Variants in CMKLR1 observed in about 807,000 individuals in gnomAD.
The protein encoded by CMKLR1 is chemerin chemokine-like receptor 1.
A neutral mutation model predicts 8.2 loss-of-function variants in CMKLR1; 6 were observed. The observed-to-expected ratio is 0.73, with a 90% CI of 0.40 to 1.44. CMKLR1 has a LOEUF of 1.44. Among genes scored for constraint, CMKLR1 ranks in the 40% most tolerant of loss-of-function variants. The pLI is 0.02. For synonymous variants in CMKLR1, 178 were observed against 181.2 expected (o/e 0.98, Z 0.14); for missense variants, 429 against 478.0 (o/e 0.90, Z 0.96).
Position 108,293,671 on chromosome 12 carries a change from GGA to G in CMKLR1, c.-73-9_-73-8del. On this transcript the variant is annotated splice_region_variant and splice_polypyrimidine_tract_variant and intron_variant, in intron 2 of 3. Coordinates refer to ENST00000550402, the MANE Select transcript of CMKLR1 (RefSeq NM_001142343.2). Reference sequence around the variant, plus strand: ...TGTACACAGCTAGAAACACCTGTAGGGAAAAAAAAAAAAAAAAAAGCAGCAAT... The same window carrying G: ...TGTACACAGCTAGAAACACCTGTAGGAAAAAAAAAAAAAAAAAGCAGCAAT... 16 of 1,190,814 alleles carry G rather than the reference GGA, an allele frequency of 1.3e-5. No homozygotes were observed. The highest frequency in any genetic ancestry group is 3.1e-5 in the Admixed American group (1 of 32,222). 73.8% of individuals were successfully genotyped at this position (1,190,814 alleles called of 1,614,324 possible). A position where few individuals can be genotyped will look rare whatever the true frequency, so the allele number is the denominator to read the frequency against.
intron 2 of CMKLR1, chr12:108,320,606 C>G (rs1385015749): frequency 6.5e-6 from 1 of 153,016 alleles, no homozygotes; most frequent in Non-Finnish European, 1.5e-5. Context: ...TCCCCTCAGC[C>G]TCTTCCTCCT....
chr12:108,306,975 C>A (rs1044391484), intron 2 of CMKLR1, among the ~76,000 whole-genome samples: 1 of 152,186 alleles, frequency 6.6e-6, no homozygotes, highest in East Asian at 1.9e-4. Context: ...GTCCCGTACA[C>A]AAGCCCTAAG....
intron 2 of CMKLR1, among the ~76,000 whole-genome samples, chr12:108,301,096 A>C (rs1462463438): frequency 1.5e-5 from 1 of 68,434 alleles, no homozygotes; most frequent in African/African-American, 6.1e-5. Context: ...TTTTTTTTTG[A>C]GACGAAGTCT....
rs201652470 is a variant in CMKLR1, at chr12:108,292,553, C to T, written c.410G>A (p.Arg137His). The T allele has an allele frequency of 8.7e-6, 14 of 1,613,986 alleles. No homozygotes were observed. The highest frequency in any genetic ancestry group is 3.3e-5 in the Admixed American group (2 of 59,998). Reference protein sequence around the residue: ...VFLLTIISSDRCISVLLPVWS... With the variant: ...VFLLTIISSDHCISVLLPVWS... ...GACAGGGAGGAGCACAGAGATGCAGCGGTCAGAGCTGATGATGGTCAGCAG... is the reference window on the plus strand; with the variant it reads ...GACAGGGAGGAGCACAGAGATGCAGTGGTCAGAGCTGATGATGGTCAGCAG... The change falls in exon 4 of 4, where the codon CGC (arginine) becomes CAC (histidine). Residue 137 changes from arginine to histidine, a missense_variant. Coordinates refer to ENST00000550402, the MANE Select transcript of CMKLR1 (RefSeq NM_001142343.2).
In CMKLR1 at chr12:108,320,230, G is replaced by A. The variant is rs1891827413; in HGVS notation, c.-74+9765C>T. Among the ~76,000 whole-genome samples, 5 of 152,164 alleles carry A rather than the reference G, an allele frequency of 3.3e-5. No homozygotes were observed. The South Asian group carries it at 1.0e-3, about 31-fold the overall frequency. ...GAACTGAGTTGGGATTTAAAGCTGTGATGGTGGAAACTCAGGCACTGTGTG... is the reference window on the plus strand; with the variant it reads ...GAACTGAGTTGGGATTTAAAGCTGTAATGGTGGAAACTCAGGCACTGTGTG... On this transcript the variant is annotated intron_variant, in intron 2 of 3. Coordinates refer to ENST00000550402, the MANE Select transcript of CMKLR1 (RefSeq NM_001142343.2).
chr12:108,308,663 C>T (rs1422389229), intron 2 of CMKLR1, among the ~76,000 whole-genome samples: 2 of 152,138 alleles, frequency 1.3e-5, no homozygotes, highest in Admixed American at 6.5e-5. Context: ...AGGGTGAGGA[C>T]GGGCAAGGCA....
Position 108,290,894 on chromosome 12 carries a change from C to A in CMKLR1, c.*947G>T, listed in dbSNP as rs1167956203. On this transcript the variant is annotated 3_prime_UTR_variant, in exon 4 of 4. Transcript: ENST00000550402. ...GAGGAAATTAACCAGAATGAGAAGC[C>A]CCACCACCAGTGTTTTATTCTAAGC... 6.6e-6 allele frequency: 1 copy of A among 152,232 alleles called. No individual in the cohort carries two copies. The highest frequency in any genetic ancestry group is 2.4e-5 in the African/African-American group (1 of 41,444). The allele number at this position is 152,232 out of a possible 1,614,324, so 9.4% of individuals were successfully genotyped here. A position where few individuals can be genotyped will look rare whatever the true frequency, so the allele number is the denominator to read the frequency against.
At chr12:108,326,836 T>G (rs1164230832) in intron 2 of CMKLR1, among the ~76,000 whole-genome samples, 1 of 152,198 alleles carries the variant, frequency 6.6e-6, no homozygotes, top group African/African-American at 2.4e-5. Flanking sequence ...TGCCTTATTT[T>G]AAGTGCAAGG....
intron 2 of CMKLR1, among the ~76,000 whole-genome samples, chr12:108,295,174 T>C (rs1891099923): frequency 1.3e-5 from 2 of 152,236 alleles, no homozygotes; most frequent in Non-Finnish European, 2.9e-5. Context: ...CATTGAGCTC[T>C]TGTGTATGCC....
chr12:108,320,349 C>T (rs1891831874), intron 2 of CMKLR1, among the ~76,000 whole-genome samples: 1 of 152,098 alleles, frequency 6.6e-6, no homozygotes, highest in Admixed American at 6.5e-5. Flanking sequence ...CCCTGAGCTT[C>T]CCTCCCCAAG....
chr12:108,316,337 C>T (rs4964672), intron 2 of CMKLR1, among the ~76,000 whole-genome samples: 7,036 of 152,064 alleles, frequency 0.046, 426 homozygotes, highest in African/African-American at 0.13. Flanking sequence ...AGAAGCAGCA[C>T]AGCCAAGAAA....
At chr12:108,293,548 C>G in intron 3 of CMKLR1, 41 bp downstream of exon 3, 1 of 1,551,044 alleles carries the variant, frequency 6.4e-7, no homozygotes, top group Admixed American at 2.0e-5. Context: ...TGTCAGTGGT[C>G]ACTGGTGCCC....
intron 2 of CMKLR1, chr12:108,317,745 T>C (rs1891767264): frequency 6.6e-6 from 1 of 152,212 alleles, no homozygotes; most frequent in African/African-American, 2.4e-5. Flanking sequence ...TTTAAATTGC[T>C]GACCAGGCAT....
At chr12:108,316,577 A>C (rs886168792) in intron 2 of CMKLR1, among the ~76,000 whole-genome samples, 5 of 152,218 alleles carry the variant, frequency 3.3e-5, no homozygotes, top group African/African-American at 1.2e-4. Context: ...CAAGGCTAAA[A>C]GGAGTCTTCT....
At chr12:108,294,430 T>C (rs919833132) in intron 2 of CMKLR1, among the ~76,000 whole-genome samples, 1 of 152,202 alleles carries the variant, frequency 6.6e-6, no homozygotes, top group Non-Finnish European at 1.5e-5. Context: ...TCTGAGGAGT[T>C]TGCAAGTTTG....
chr12:108,299,948 G>A lies in CMKLR1; in HGVS notation c.-73-6284C>T, dbSNP rs183123355. Among the ~76,000 whole-genome samples, 283 of 152,314 alleles carry A rather than the reference G, an allele frequency of 1.9e-3. 1 individual carries two copies. The highest frequency in any genetic ancestry group is 6.7e-3 in the Admixed American group (103 of 15,300). On this transcript the variant is annotated intron_variant, in intron 2 of 3. Transcript: ENST00000550402. Reference sequence around the variant, plus strand: ...CACTCCCCATTCTGGCTCCTACAGCGTCCTGCTCACCCATGTGGGGCACAT... The same window carrying A: ...CACTCCCCATTCTGGCTCCTACAGCATCCTGCTCACCCATGTGGGGCACAT...
rs543389807 is a variant in CMKLR1 at position 108,292,726 on chromosome 12, G to A, written c.237C>T (p.Leu79=). ...MKKTVNMVWF[L]NLAVADFLFN... ...ACAGGAAATCTGCCACTGCCAGGTT[G>A]AGGAACCAGACCATGTTCACTGTCT... Residue 79 remains leucine (L), a synonymous_variant, in exon 4 of 4, where the codon CTC becomes CTT. Transcript: ENST00000550402. 6.2e-7 allele frequency: 1 copy of A among 1,614,186 alleles called. No individual in the cohort carries two copies. Among genetic ancestry groups the A allele is most frequent in the African/African-American group, 1.3e-5 (1 of 75,024 alleles).
At chr12:108,309,630 C>T (rs1156431237) in intron 2 of CMKLR1, among the ~76,000 whole-genome samples, 1 of 152,138 alleles carries the variant, frequency 6.6e-6, no homozygotes, top group Non-Finnish European at 1.5e-5. Context: ...TACCTTCATG[C>T]AGAGAAAGTG....
chr12:108,314,256 T>C (rs1428252136), intron 2 of CMKLR1, among the ~76,000 whole-genome samples: 2 of 152,054 alleles, frequency 1.3e-5, no homozygotes, highest in Non-Finnish European at 2.9e-5. Flanking sequence ...ACACAGAAGT[T>C]CCTAGACACT....
Sources: allele counts gnomAD v4.1 joint callset (sites outside exome capture counted in the v4.1 genomes callset), GRCh38; gene constraint gnomAD v4.1.1; transcripts MANE v1.5; gene names NCBI Gene and HGNC (gene_info 2026-07-23, HGNC 2026-07-21).